PCDH7: variants seen among roughly 807,000 people sequenced by gnomAD.
The protein encoded by PCDH7 is protocadherin-7.
In PCDH7, 17 loss-of-function variants were observed where a neutral mutation model predicts 58.9. The ratio of observed to expected loss-of-function variants is 0.29; its 90% CI spans 0.20 to 0.43. PCDH7 has a LOEUF of 0.43. Ranked by LOEUF, PCDH7 falls within the 20% of genes least tolerant of loss-of-function variation. The pLI is 1.00. For missense variants in PCDH7, 1,274 were observed against 1,441.0 expected (o/e 0.88, Z 1.88); for synonymous variants, 664 against 616.4 (o/e 1.08, Z -1.14).
chr4:31,040,915 A>G (rs927341047), intron 3 of PCDH7, among the ~76,000 whole-genome samples: 1 of 152,130 alleles, frequency 6.6e-6, no homozygotes, highest in Non-Finnish European at 1.5e-5. Flanking sequence ...GTGCTGAGAA[A>G]AAAAAAAAAT....
chr4:30,837,013 G>A (rs1053825466), intron 1 of PCDH7, among the ~76,000 whole-genome samples: 1 of 152,090 alleles, frequency 6.6e-6, no homozygotes, highest in African/African-American at 2.4e-5. Flanking sequence ...ACCAGCTTTT[G>A]GTTGTCAGTA....
At chr4:30,899,204 T>C (rs1236024172) in intron 1 of PCDH7, among the ~76,000 whole-genome samples, 3 of 152,120 alleles carry the variant, frequency 2.0e-5, no homozygotes, top group African/African-American at 4.8e-5. Flanking sequence ...TGAGAATGAC[T>C]GTCCAGAACA....
chr4:30,771,063 A>ACTATGTTCTATTCTAAT (rs1721337181), intron 1 of PCDH7, among the ~76,000 whole-genome samples: 1 of 152,176 alleles, frequency 6.6e-6, no homozygotes, highest in Non-Finnish European at 1.5e-5. Flanking sequence ...TTCTATTGGG[A>ACTATGTTCTATTCTAAT]GCTAACATTT....
intron 1 of PCDH7, among the ~76,000 whole-genome samples, chr4:30,911,974 C>A (rs1442245015): frequency 6.6e-6 from 1 of 152,088 alleles, no homozygotes; most frequent in Non-Finnish European, 1.5e-5. Context: ...CACCTACACT[C>A]ATAATTTCTA....
intron 3 of PCDH7, among the ~76,000 whole-genome samples, chr4:31,096,795 G>A (rs1251215838): frequency 3.3e-5 from 5 of 152,000 alleles, no homozygotes; most frequent in African/African-American, 7.2e-5. Flanking sequence ...GGTTAATAAC[G>A]TTTATTATTG....
At chr4:31,042,714 A>T (rs555107638) in intron 3 of PCDH7, among the ~76,000 whole-genome samples, 30 of 152,304 alleles carry the variant, frequency 2.0e-4, no homozygotes, top group African/African-American at 7.2e-4. Context: ...TGAAAAATGC[A>T]GATGATCAGT....
At chr4:30,909,973 CAAAT>C (rs558101769) in intron 1 of PCDH7, among the ~76,000 whole-genome samples, 337 of 152,246 alleles carry the variant, frequency 2.2e-3, no homozygotes, top group Non-Finnish European at 2.6e-3. Flanking sequence ...AGTACCAAAA[CAAAT>C]ATGTAGACCA....
intron 1 of PCDH7, among the ~76,000 whole-genome samples, chr4:30,840,892 T>C (rs1217853446): frequency 1.4e-5 from 2 of 143,768 alleles, no homozygotes; most frequent in African/African-American, 2.5e-5. Flanking sequence ...TCTTTGGCCC[T>C]TTTTTTTTTT....
At chr4:30,834,935 A>G (rs999970992) in intron 1 of PCDH7, among the ~76,000 whole-genome samples, 8 of 151,688 alleles carry the variant, frequency 5.3e-5, no homozygotes, top group Non-Finnish European at 1.2e-4. Flanking sequence ...ATATATACAC[A>G]CACACACATA....
rs552473724 is a variant in PCDH7, at chr4:30,809,170, T to G, written c.70+84574T>G. 2.6e-5 allele frequency among the ~76,000 whole-genome samples: 4 copies of G among 152,338 alleles called. No individual in the cohort carries two copies. The South Asian group carries it at 8.3e-4, about 32-fold the overall frequency. On this transcript the variant is annotated intron_variant, in intron 1 of 3. Coordinates refer to the PCDH7 transcript ENST00000509759. Reference sequence around the variant, plus strand: ...TAGCGACATAGCTATGTAGCTCATATATTTAACAAAATGGAAAATTAGAGC... The same window carrying G: ...TAGCGACATAGCTATGTAGCTCATAGATTTAACAAAATGGAAAATTAGAGC...
At chr4:30,812,016 G>C (rs1257175756) in intron 1 of PCDH7, among the ~76,000 whole-genome samples, 1 of 152,172 alleles carries the variant, frequency 6.6e-6, no homozygotes, top group Non-Finnish European at 1.5e-5. Context: ...AGATTTATCA[G>C]GTCAGTGGAT....
At chr4:30,849,844 G>A (rs1001525097) in intron 1 of PCDH7, among the ~76,000 whole-genome samples, 18 of 152,036 alleles carry the variant, frequency 1.2e-4, no homozygotes, top group Admixed American at 3.3e-4. Flanking sequence ...TTCTCTGTGA[G>A]TAGAGACATA....
chr4:30,722,943 G>T lies in PCDH7; in HGVS notation c.1521G>T (p.Ala507=). Residue 507 remains alanine (A), a synonymous_variant, in exon 1 of 2, where the codon GCG becomes GCT. Coordinates refer to ENST00000361762, the Ensembl canonical transcript of PCDH7. The surrounding 1 kb of genome is among the most constrained non-coding windows in gnomAD (Gnocchi z 7.6). Reference sequence around the variant, plus strand: ...GGGAGTTCAACGTGGTCATCGTGGCGGTGGACTCAGGCAGCCCCAGCCTCT... The same window carrying T: ...GGGAGTTCAACGTGGTCATCGTGGCTGTGGACTCAGGCAGCCCCAGCCTCT... The T allele has an allele frequency of 6.2e-7, 1 of 1,613,542 alleles. No individual in the cohort carries two copies. The highest frequency in any genetic ancestry group is 1.3e-5 in the African/African-American group (1 of 75,012).
At chr4:30,790,049 C>G (rs1212903413) in intron 1 of PCDH7, among the ~76,000 whole-genome samples, 9 of 152,188 alleles carry the variant, frequency 5.9e-5, no homozygotes, top group Non-Finnish European at 1.5e-5. Flanking sequence ...AAAAATGTCA[C>G]TAAAATATAA....
chr4:30,995,303 G>A (rs1751790673), intron 3 of PCDH7, among the ~76,000 whole-genome samples: 1 of 152,090 alleles, frequency 6.6e-6, no homozygotes, highest in South Asian at 2.1e-4. Flanking sequence ...GGATCATGAG[G>A]TCAGGAGATC....
intron 3 of PCDH7, among the ~76,000 whole-genome samples, chr4:31,121,214 T>C (rs912905697): frequency 2.0e-5 from 3 of 152,260 alleles, no homozygotes; most frequent in Admixed American, 1.3e-4. Context: ...AAAAAAGACA[T>C]GTTTAACCAA....
At chr4:30,755,326 A>C (rs1435654013) in intron 1 of PCDH7, among the ~76,000 whole-genome samples, 1 of 152,086 alleles carries the variant, frequency 6.6e-6, no homozygotes, top group Non-Finnish European at 1.5e-5. Context: ...CTTGCCTTAT[A>C]ATTGCTTTTA....
Position 30,789,314 on chromosome 4 carries a change from C to T in PCDH7, c.70+64718C>T, listed in dbSNP as rs143984429. On this transcript the variant is annotated intron_variant, in intron 1 of 3. Coordinates refer to the PCDH7 transcript ENST00000509759. ...AGGATTGATCAGCACATGAAGGTCTCCTTGACTTCAAAGGCATTTCTGGAC... is the reference window on the plus strand; with the variant it reads ...AGGATTGATCAGCACATGAAGGTCTTCTTGACTTCAAAGGCATTTCTGGAC... 3.4e-3 allele frequency among the ~76,000 whole-genome samples: 521 copies of T among 152,234 alleles called. 1 individual carries two copies. Among genetic ancestry groups the T allele is most frequent in the Middle Eastern group, 0.014 (4 of 294 alleles).
chr4:31,038,880 A>G lies in PCDH7; in HGVS notation c.*7+88665A>G, dbSNP rs1460940591. Among the ~76,000 whole-genome samples, 6 of 152,300 alleles carry G rather than the reference A, an allele frequency of 3.9e-5. No individual in the cohort carries two copies. The East Asian group carries it at 1.2e-3, about 29-fold the overall frequency. On this transcript the variant is annotated intron_variant, in intron 3 of 3. Transcript: ENST00000509759. ...TTTGTATTTAAAAGTTCCAGTCCAC[A>G]TAAATCTGCTGTTAAACCTGAGATA...
Sources: allele counts gnomAD v4.1 joint callset (sites outside exome capture counted in the v4.1 genomes callset), GRCh38; gene constraint gnomAD v4.1.1; non-coding constraint Gnocchi (gnomAD v3.1); transcripts MANE v1.5; gene names NCBI Gene and HGNC (gene_info 2026-07-23, HGNC 2026-07-21).